IER5L: variants seen among roughly 807,000 people sequenced by gnomAD.
IER5L encodes the protein immediate early response gene 5-like protein.
In IER5L, 6 loss-of-function variants were observed where a neutral mutation model predicts 28.3. The ratio of observed to expected loss-of-function variants is 0.21; its 90% CI spans 0.12 to 0.42. The LOEUF (loss-of-function observed/expected upper bound fraction) is 0.42. IER5L is among the 10% of genes least tolerant of loss of function. The probability of loss-of-function intolerance (pLI) is 1.00; values close to 1 mark genes in which losing one functional copy is unlikely to be tolerated. For synonymous variants in IER5L, 351 were observed against 282.5 expected (o/e 1.24, Z -2.43); for missense variants, 607 against 575.2 (o/e 1.06, Z -0.56).
Position 129,177,799 on chromosome 9 carries a change from C to T in IER5L, c.254G>A (p.Ser85Asn). 1 of 1,501,898 alleles carries T rather than the reference C, an allele frequency of 6.7e-7. No individual in the cohort carries two copies. Among genetic ancestry groups the T allele is most frequent in the Non-Finnish European group, 8.8e-7 (1 of 1,130,148 alleles). The allele number at this position is 1,501,898 out of a possible 1,614,324, so 93.0% of individuals were successfully genotyped here. A position where few individuals can be genotyped will look rare whatever the true frequency, so the allele number is the denominator to read the frequency against. The change falls in exon 1 of 1, where the codon AGC becomes AAC. Residue 85 changes from serine to asparagine, a missense_variant. By Grantham distance (46) the Ser-to-Asn change is conservative. Transcript: ENST00000372491. Reference sequence around the variant, plus strand: ...TTGGAGCGGGCCGAAGTCGGCCGCGCTGGCCGGCATGCCCGGCGCCGCGTA... The same window carrying T: ...TTGGAGCGGGCCGAAGTCGGCCGCGTTGGCCGGCATGCCCGGCGCCGCGTA... ...LAYAAPGMPA[S>N]AADFGPLQLG...
Position 129,177,322 on chromosome 9 carries a change from G to GA in IER5L, c.730dup (p.Ser244PhefsTer199), listed in dbSNP as rs1829425911. 7.1e-7 allele frequency: 1 copy of GA among 1,412,592 alleles called. No individual in the cohort carries two copies. The highest frequency in any genetic ancestry group is 2.6e-5 in the Admixed American group (1 of 38,192). 87.5% of individuals were successfully genotyped at this position (1,412,592 alleles called of 1,614,324 possible). A position where few individuals can be genotyped will look rare whatever the true frequency, so the allele number is the denominator to read the frequency against. ...GCTGCTGCAGTGCAAGCCGAAGTCC[G>GA]AAGGGGTAGGGTATGCGCCCCGGTA... On this transcript the variant is annotated frameshift_variant, in exon 1 of 1. Coordinates refer to ENST00000372491, the MANE Select transcript of IER5L (RefSeq NM_203434.3). LOFTEE classifies it high-confidence loss of function.
Position 129,177,677 on chromosome 9 carries a change from G to A in IER5L, c.376C>T (p.Leu126=). The part of the protein sequence containing the change: ...QLHQLHLQQQ[L]HQHQHPAPRG... ...GGCGCCGGGTGCTGGTGCTGGTGCA[G>A]CTGCTGCTGGAGGTGCAGCTGGTGG... Residue 126 remains leucine (L), a synonymous_variant, in exon 1 of 1, where the codon CTG becomes TTG. Transcript: ENST00000372491. The A allele has an allele frequency of 7.1e-7, 1 of 1,402,910 alleles. No individual in the cohort carries two copies. Among genetic ancestry groups the A allele is most frequent in the South Asian group, 1.5e-5 (1 of 67,490 alleles). 86.9% of individuals were successfully genotyped at this position (1,402,910 alleles called of 1,614,324 possible).
Position 129,176,618 on chromosome 9 carries a change from A to T in IER5L, c.*220T>A. The T allele has an allele frequency of 1.9e-6, 1 of 535,022 alleles. No individual in the cohort carries two copies. The highest frequency in any genetic ancestry group is 2.9e-6 in the Non-Finnish European group (1 of 339,548). 33.1% of individuals were successfully genotyped at this position (535,022 alleles called of 1,614,324 possible). On this transcript the variant is annotated 3_prime_UTR_variant, in exon 1 of 1. Coordinates refer to ENST00000372491, the MANE Select transcript of IER5L (RefSeq NM_203434.3). ...AGTAGGAGAAACACAAAGCATACTT[A>T]AATAGGCGCTTTTTCTCTCTGCAAA... is the stretch of plus-strand genomic sequence containing the variant.
rs1304352670 is a variant in IER5L at position 129,177,501 on chromosome 9, C to T, written c.552G>A (p.Pro184=). The T allele has an allele frequency of 1.3e-5, 13 of 988,788 alleles. No homozygotes were observed. The highest frequency in any genetic ancestry group is 1.4e-5 in the Non-Finnish European group (12 of 834,496). 61.3% of individuals were successfully genotyped at this position (988,788 alleles called of 1,614,324 possible). ...CGGGCGGCGGCAGCGGCAGCGGCAG[C>T]GGCGCAGGACCCGGCTGCAGAGGCT... ...PLEPLQPGPA[P]LPLPLPPPAP... is the part of the protein sequence containing the mutation. The change falls in exon 1 of 1, where the codon CCG becomes CCA. Residue 184 remains proline (P), a synonymous_variant. Coordinates refer to ENST00000372491, the MANE Select transcript of IER5L (RefSeq NM_203434.3).
rs1346187258 is a variant in IER5L, at chr9:129,177,430, C to T, written c.623G>A (p.Cys208Tyr). Residue 208 changes from cysteine (C) to tyrosine (Y), a missense_variant, in exon 1 of 1, where the codon TGC becomes TAC. By Grantham distance (194) the Cys-to-Tyr change is radical (BLOSUM62 -2). Transcript: ENST00000372491. Reference protein sequence around the residue: ...CPRDPRAPAACSAPPGAAPPA... With the variant: ...CPRDPRAPAAYSAPPGAAPPA... ...AGGGGCGGCCCCTGGGGGCGCGGAG[C>T]AGGCGGCCGGGGCGCGAGGGTCCCG... is the stretch of plus-strand genomic sequence containing the variant. 1.7e-6 allele frequency: 2 copies of T among 1,207,720 alleles called. No individual in the cohort carries two copies. The highest frequency in any genetic ancestry group is 1.6e-5 in the African/African-American group (1 of 63,064). The allele number at this position is 1,207,720 out of a possible 1,614,324, so 74.8% of individuals were successfully genotyped here. A position where few individuals can be genotyped will look rare whatever the true frequency, so the allele number is the denominator to read the frequency against.
rs781363421 is a variant in IER5L at position 129,177,359 on chromosome 9, AGGAGGCGGGGGCCGG to A, written c.679_693del (p.Pro227_Ser231del). 4 of 931,678 alleles carry A rather than the reference AGGAGGCGGGGGCCGG, an allele frequency of 4.3e-6. No homozygotes were observed. Among genetic ancestry groups the A allele is most frequent in the East Asian group, 9.8e-5 (2 of 20,332 alleles). The allele number at this position is 931,678 out of a possible 1,614,324, so 57.7% of individuals were successfully genotyped here. On this transcript the variant is annotated inframe_deletion, in exon 1 of 1. Coordinates refer to ENST00000372491, the MANE Select transcript of IER5L (RefSeq NM_203434.3). ...TATGCGCCCCGGTAGAAGCCGGGGG[AGGAGGCGGGGGCCGG>A]GGAGGCGGGCGGAGAAGCGGCGGCG...
At position 129,177,333 on chromosome 9, in the gene IER5L, G is replaced by A. The variant is rs776731117; in HGVS notation, c.720C>T (p.Tyr240=). The change falls in exon 1 of 1, where the codon TAC becomes TAT. Residue 240 remains tyrosine (Y), a synonymous_variant. Coordinates refer to ENST00000372491, the MANE Select transcript of IER5L (RefSeq NM_203434.3). ...ASSPGFYRGA[Y]PTPSDFGLHC... ...GCAAGCCGAAGTCCGAAGGGGTAGG[G>A]TATGCGCCCCGGTAGAAGCCGGGGG... is the stretch of plus-strand genomic sequence containing the variant. 45 of 1,323,038 alleles carry A rather than the reference G, an allele frequency of 3.4e-5. No individual in the cohort carries two copies. The African/African-American group carries it at 6.3e-4, about 19-fold the overall frequency. 82.0% of individuals were successfully genotyped at this position (1,323,038 alleles called of 1,614,324 possible).
Position 129,178,187 on chromosome 9 carries a change from C to A in IER5L, c.-135G>T. 1.5e-6 allele frequency: 1 copy of A among 688,866 alleles called. No individual in the cohort carries two copies. The highest frequency in any genetic ancestry group is 2.1e-6 in the Non-Finnish European group (1 of 480,150). 42.7% of individuals were successfully genotyped at this position (688,866 alleles called of 1,614,324 possible). A position where few individuals can be genotyped will look rare whatever the true frequency, so the allele number is the denominator to read the frequency against. ...TCCGGGTCAGAGGTTCGGCTGCGCT[C>A]CGAAAGGAGCCGCCACCATGCGCCG... On this transcript the variant is annotated 5_prime_UTR_variant, in exon 1 of 1. Coordinates refer to ENST00000372491, the MANE Select transcript of IER5L (RefSeq NM_203434.3).
Position 129,178,027 on chromosome 9 carries a change from C to T in IER5L, c.26G>A (p.Ser9Asn), listed in dbSNP as rs1829441807. MECALDAQ[S>N]LISISLRKIH... Reference sequence around the variant, plus strand: ...CTTGCGCAGGGAGATGCTGATCAGGCTCTGGGCGTCCAGGGCGCACTCCAT... The same window carrying T: ...CTTGCGCAGGGAGATGCTGATCAGGTTCTGGGCGTCCAGGGCGCACTCCAT... The change falls in exon 1 of 1, where the codon AGC (serine) becomes AAC (asparagine). Residue 9 changes from serine (S) to asparagine (N), a missense_variant. Physicochemically the swap from Ser to Asn is conservative, Grantham distance 46 (BLOSUM62 1). Transcript: ENST00000372491. 2 of 1,532,328 alleles carry T rather than the reference C, an allele frequency of 1.3e-6. No individual in the cohort carries two copies. Among genetic ancestry groups the T allele is most frequent in the African/African-American group, 1.4e-5 (1 of 70,356 alleles). 94.9% of individuals were successfully genotyped at this position (1,532,328 alleles called of 1,614,324 possible).
Position 129,178,249 on chromosome 9 carries a change from C to T in IER5L, c.-197G>A, listed in dbSNP as rs1564219125. ...CGGGCTCGCGCTCCCCAGACGGCGC[C>T]AAAGCAATGAGTCTCGGCCGGCCCC... On this transcript the variant is annotated 5_prime_UTR_variant, in exon 1 of 1. Transcript: ENST00000372491. The T allele has an allele frequency of 2.3e-6, 1 of 439,150 alleles. No homozygotes were observed. Among genetic ancestry groups the T allele is most frequent in the Non-Finnish European group, 3.9e-6 (1 of 256,218 alleles). The allele number at this position is 439,150 out of a possible 1,614,324, so 27.2% of individuals were successfully genotyped here. A position where few individuals can be genotyped will look rare whatever the true frequency, so the allele number is the denominator to read the frequency against.
At position 129,178,187 on chromosome 9, in the gene IER5L, C is replaced by G; in HGVS notation, c.-135G>C. 3 of 688,866 alleles carry G rather than the reference C, an allele frequency of 4.4e-6. No homozygotes were observed. Among genetic ancestry groups the G allele is most frequent in the Non-Finnish European group, 6.2e-6 (3 of 480,150 alleles). 42.7% of individuals were successfully genotyped at this position (688,866 alleles called of 1,614,324 possible). A position where few individuals can be genotyped will look rare whatever the true frequency, so the allele number is the denominator to read the frequency against. The stretch of plus-strand genomic sequence containing the variant: ...TCCGGGTCAGAGGTTCGGCTGCGCT[C>G]CGAAAGGAGCCGCCACCATGCGCCG... On this transcript the variant is annotated 5_prime_UTR_variant, in exon 1 of 1. Coordinates refer to ENST00000372491, the MANE Select transcript of IER5L (RefSeq NM_203434.3).
Position 129,177,391 on chromosome 9 carries a change from G to C in IER5L, c.662C>G (p.Ala221Gly). 1 of 1,264,984 alleles carries C rather than the reference G, an allele frequency of 7.9e-7. No homozygotes were observed. 78.4% of individuals were successfully genotyped at this position (1,264,984 alleles called of 1,614,324 possible). A position where few individuals can be genotyped will look rare whatever the true frequency, so the allele number is the denominator to read the frequency against. Residue 221 changes from alanine to glycine, a missense_variant, in exon 1 of 1, where the codon GCT becomes GGT. Ala to Gly is a moderately conservative substitution (Grantham distance 60). Transcript: ENST00000372491. ...PPGAAPPAAAASPPASPAPAS... is the reference protein window; with the variant it reads ...PPGAAPPAAAGSPPASPAPAS... Reference sequence around the variant, plus strand: ...GGGGGCCGGGGAGGCGGGCGGAGAAGCGGCGGCGGCCGGAGGGGCGGCCCC... The same window carrying C: ...GGGGGCCGGGGAGGCGGGCGGAGAACCGGCGGCGGCCGGAGGGGCGGCCCC...
At position 129,177,599 on chromosome 9, in the gene IER5L, C is replaced by T. The variant is rs1335766190; in HGVS notation, c.454G>A (p.Ala152Thr). Residue 152 changes from alanine (A) to threonine (T), a missense_variant, in exon 1 of 1, where the codon GCG (alanine) becomes ACG (threonine). Transcript: ENST00000372491. ...GCGCACCCGGGCAGCTCCGAGAGCG[C>T]CCCCGCGCCGCCCGCGGGCGCTCCG... is the stretch of plus-strand genomic sequence containing the variant. ...AAGAPAGGAG[A>T]LSELPGCAAL... 5.9e-6 allele frequency: 6 copies of T among 1,023,142 alleles called. No homozygotes were observed. Among genetic ancestry groups the T allele is most frequent in the Admixed American group, 1.2e-4 (2 of 16,852 alleles). The allele number at this position is 1,023,142 out of a possible 1,614,324, so 63.4% of individuals were successfully genotyped here.
In IER5L at chr9:129,177,029, A is replaced by T; in HGVS notation, c.1024T>A (p.Phe342Ile). ...GCGTCCGGGGACGAGTCCGGGCAGA[A>T]GTCCTCGAAGCGGGCGCGCTTGCAG... ...APCKRARFEDFCPDSSPDASN... is the reference protein window; with the variant it reads ...APCKRARFEDICPDSSPDASN... Residue 342 changes from phenylalanine to isoleucine, a missense_variant, in exon 1 of 1, where the codon TTC becomes ATC. Physicochemically the swap from Phe to Ile is conservative, Grantham distance 21. Coordinates refer to ENST00000372491, the MANE Select transcript of IER5L (RefSeq NM_203434.3). 6.3e-7 allele frequency: 1 copy of T among 1,575,542 alleles called. No homozygotes were observed. Among genetic ancestry groups the T allele is most frequent in the Non-Finnish European group, 8.6e-7 (1 of 1,161,834 alleles).
rs749525497 is a variant in IER5L, at chr9:129,177,147, G to C, written c.906C>G (p.Arg302=). ...CCTCCTCCTGGCCAGGGTAATACTT[G>C]CGCTTGCAGCCGGCGGCGGACGCCA... is the stretch of plus-strand genomic sequence containing the variant. The part of the protein sequence containing the change: ...PGLASAAGCK[R]KYYPGQEEEE... Residue 302 remains arginine, a synonymous_variant, in exon 1 of 1, where the codon CGC becomes CGG. Transcript: ENST00000372491. The C allele has an allele frequency of 1.9e-5, 28 of 1,464,870 alleles. No individual in the cohort carries two copies. Among genetic ancestry groups the C allele is most frequent in the African/African-American group, 5.9e-5 (4 of 67,418 alleles). 90.7% of individuals were successfully genotyped at this position (1,464,870 alleles called of 1,614,324 possible). A position where few individuals can be genotyped will look rare whatever the true frequency, so the allele number is the denominator to read the frequency against.
In IER5L at chr9:129,175,746, C is replaced by T. The variant is rs1249333722; in HGVS notation, c.*1092G>A. On this transcript the variant is annotated 3_prime_UTR_variant, in exon 1 of 1. Transcript: ENST00000372491. This position sits in a 1 kb window ranked among gnomAD's most constrained non-coding sequence, Gnocchi z 5.2. Reference sequence around the variant, plus strand: ...CCAGAGGGGCTGCAGACGAACCCCACCTTTTTACAACAAAAGGCTTTTAAA... The same window carrying T: ...CCAGAGGGGCTGCAGACGAACCCCATCTTTTTACAACAAAAGGCTTTTAAA... The T allele has an allele frequency of 6.6e-6, 1 of 151,638 alleles. No homozygotes were observed. Among genetic ancestry groups the T allele is most frequent in the African/African-American group, 2.4e-5 (1 of 41,294 alleles). 9.4% of individuals were successfully genotyped at this position (151,638 alleles called of 1,614,324 possible).
chr9:129,175,575 G>T lies in IER5L; in HGVS notation c.*1263C>A, dbSNP rs763994593. 1 of 152,156 alleles carries T rather than the reference G, an allele frequency of 6.6e-6. No individual in the cohort carries two copies. Among genetic ancestry groups the T allele is most frequent in the Non-Finnish European group, 1.5e-5 (1 of 68,040 alleles). The allele number at this position is 152,156 out of a possible 1,614,324, so 9.4% of individuals were successfully genotyped here. On this transcript the variant is annotated 3_prime_UTR_variant, in exon 1 of 1. Transcript: ENST00000372491. The surrounding 1 kb of genome is among the most constrained non-coding windows in gnomAD (Gnocchi z 5.2). ...TCTTCTGTAATCGACTTTTTATTAA[G>T]ATTATAAATTTAAACAATCTGAACA...
At position 129,175,560 on chromosome 9, in the gene IER5L, T is replaced by C. The variant is rs1829376108; in HGVS notation, c.*1278A>G. ...AACAAGGCACCACCATCTTCTGTAATCGACTTTTTATTAAGATTATAAATT... is the reference window on the plus strand; with the variant it reads ...AACAAGGCACCACCATCTTCTGTAACCGACTTTTTATTAAGATTATAAATT... On this transcript the variant is annotated 3_prime_UTR_variant, in exon 1 of 1. Transcript: ENST00000372491. The surrounding 1 kb of genome is among the most constrained non-coding windows in gnomAD (Gnocchi z 5.2). 6.6e-6 allele frequency: 1 copy of C among 152,222 alleles called. No individual in the cohort carries two copies. The highest frequency in any genetic ancestry group is 1.5e-5 in the Non-Finnish European group (1 of 68,056). 9.4% of individuals were successfully genotyped at this position (152,222 alleles called of 1,614,324 possible).
In IER5L at chr9:129,176,988, G is replaced by A. The variant is rs770199824; in HGVS notation, c.1065C>T (p.Asn355=). ...AGCCGGAGCCAAAGATGGAGATCAA[G>A]TTTGAGATGTTGGACGCGTCCGGGG... The part of the protein sequence containing the change: ...DSSPDASNIS[N]LISIFGSGFS... The change falls in exon 1 of 1, where the codon AAC becomes AAT. Residue 355 remains asparagine (N), a synonymous_variant. Transcript: ENST00000372491. 54 of 1,600,608 alleles carry A rather than the reference G, an allele frequency of 3.4e-5. No individual in the cohort carries two copies. The highest frequency in any genetic ancestry group is 3.7e-5 in the Non-Finnish European group (43 of 1,175,140).
Sources: allele counts gnomAD v4.1 joint callset, GRCh38; gene constraint gnomAD v4.1.1; non-coding constraint Gnocchi (gnomAD v3.1); transcripts MANE v1.5; gene names NCBI Gene and HGNC (gene_info 2026-07-23, HGNC 2026-07-21).